PITPNC1: variants seen among roughly 807,000 people sequenced by gnomAD.
PITPNC1 encodes cytoplasmic phosphatidylinositol transfer protein 1.
Under a neutral mutation model 44.7 loss-of-function variants are expected in PITPNC1, and 18 were observed. The observed-to-expected ratio is 0.40, with a 90% CI of 0.28 to 0.60. PITPNC1 has a LOEUF of 0.60. Among genes scored for constraint, PITPNC1 ranks in the 20% least tolerant of loss-of-function variants. The pLI is 0.39. For synonymous variants in PITPNC1, 141 were observed against 149.6 expected (o/e 0.94, Z 0.42); for missense variants, 290 against 418.4 (o/e 0.69, Z 2.68).
At chr17:67,539,040 G>A (rs2040568346) in intron 2 of PITPNC1, among the ~76,000 whole-genome samples, 1 of 150,722 alleles carries the variant, frequency 6.6e-6, no homozygotes, top group Non-Finnish European at 1.5e-5. Flanking sequence ...CAGAAAAGAG[G>A]AAATGAGAAT....
chr17:67,445,746 A>G (rs920413894), intron 1 of PITPNC1, among the ~76,000 whole-genome samples: 4 of 152,062 alleles, frequency 2.6e-5, no homozygotes, highest in African/African-American at 7.2e-5. Flanking sequence ...TAACAGAGCG[A>G]AACTTTGTTA....
At chr17:67,601,031 A>C (rs771063498) in intron 5 of PITPNC1, among the ~76,000 whole-genome samples, 5 of 152,090 alleles carry the variant, frequency 3.3e-5, no homozygotes, top group African/African-American at 7.2e-5. Flanking sequence ...AGTAATTTAC[A>C]TGTGAGTAAA....
At chr17:67,481,121 C>T (rs1201607698) in intron 1 of PITPNC1, among the ~76,000 whole-genome samples, 3 of 152,234 alleles carry the variant, frequency 2.0e-5, no homozygotes, top group African/African-American at 7.2e-5. Context: ...GCAGGAGAAT[C>T]CCTTGAACCC....
chr17:67,433,910 CATAATA>C lies in PITPNC1; in HGVS notation c.48+55725_48+55730del, dbSNP rs368751732. ...TAGCGAGACTCTGTCTCCTCCTCCC[CATAATA>C]ATAATAATAATAATAAAGAGGAATC... On this transcript the variant is annotated intron_variant, in intron 1 of 8. Coordinates refer to ENST00000581322, the MANE Select transcript of PITPNC1 (RefSeq NM_012417.4). 9.4e-3 allele frequency among the ~76,000 whole-genome samples: 1,418 copies of C among 151,176 alleles called. 17 individuals carry two copies. The highest frequency in any genetic ancestry group is 0.027 in the South Asian group (127 of 4,768).
intron 4 of PITPNC1, among the ~76,000 whole-genome samples, chr17:67,558,338 C>T (rs2040865181): frequency 6.6e-6 from 1 of 151,972 alleles, no homozygotes; most frequent in South Asian, 2.1e-4. Context: ...GACAGTTTCA[C>T]AGAGGACAGA....
intron 1 of PITPNC1, among the ~76,000 whole-genome samples, chr17:67,423,279 A>G (rs898225312): frequency 1.3e-5 from 2 of 152,204 alleles, no homozygotes; most frequent in African/African-American, 4.8e-5. Flanking sequence ...ATCACTGGAT[A>G]CAAGTTGAAT....
intron 6 of PITPNC1, among the ~76,000 whole-genome samples, chr17:67,643,771 C>G (rs1174966548): frequency 6.6e-6 from 1 of 152,188 alleles, no homozygotes; most frequent in African/African-American, 2.4e-5. Flanking sequence ...TGGAAAGTGA[C>G]CAGCACAGTC....
Position 67,620,813 on chromosome 17 carries a change from A to T in PITPNC1, c.367-11330A>T, listed in dbSNP as rs1466487419. Among the ~76,000 whole-genome samples, 5 of 152,248 alleles carry T rather than the reference A, an allele frequency of 3.3e-5. No individual in the cohort carries two copies. In the East Asian group the frequency reaches 7.7e-4, roughly 23 times the overall value. On this transcript the variant is annotated intron_variant, in intron 5 of 8. Transcript: ENST00000581322. ...GTGGCAAGTGGAGCGTTTGATGGGG[A>T]TTAAATAAAAGCAGTTTACCTCCCA... is the stretch of plus-strand genomic sequence containing the variant.
chr17:67,623,323 T>TCCCCACCACCTG (rs1598899475), intron 5 of PITPNC1, among the ~76,000 whole-genome samples: 3 of 152,098 alleles, frequency 2.0e-5, no homozygotes, highest in African/African-American at 7.2e-5. Flanking sequence ...GCTTGCACCT[T>TCCCCACCACCTG]CCCCACCACC....
At chr17:67,438,931 C>A (rs137877259) in intron 1 of PITPNC1, among the ~76,000 whole-genome samples, 36 of 152,302 alleles carry the variant, frequency 2.4e-4, no homozygotes, top group African/African-American at 8.4e-4. Flanking sequence ...CTTGGCCTGT[C>A]CTGTAGAAAG....
At chr17:67,546,476 A>G (rs1262113731) in intron 2 of PITPNC1, among the ~76,000 whole-genome samples, 1 of 152,044 alleles carries the variant, frequency 6.6e-6, no homozygotes, top group Non-Finnish European at 1.5e-5. Context: ...TCCTGTAGGA[A>G]CTCATAGAAA....
intron 5 of PITPNC1, among the ~76,000 whole-genome samples, chr17:67,610,845 C>T (rs554396755): frequency 6.7e-6 from 1 of 150,116 alleles, no homozygotes; most frequent in Non-Finnish European, 1.5e-5. Context: ...CGTTTGAACC[C>T]GAGGGGCGGA....
chr17:67,527,803 G>T (rs993389832), intron 1 of PITPNC1, among the ~76,000 whole-genome samples: 3 of 152,126 alleles, frequency 2.0e-5, no homozygotes, highest in African/African-American at 4.8e-5. Flanking sequence ...CCAGGAGTTG[G>T]AGACTAACAT....
At chr17:67,467,368 T>C (rs998260210) in intron 1 of PITPNC1, among the ~76,000 whole-genome samples, 1 of 152,220 alleles carries the variant, frequency 6.6e-6, no homozygotes, top group Admixed American at 6.5e-5. Flanking sequence ...ACTTTTTTTT[T>C]CTGAACTAAA....
At chr17:67,575,164 T>G (rs553733187) in intron 4 of PITPNC1, among the ~76,000 whole-genome samples, 27 of 151,964 alleles carry the variant, frequency 1.8e-4, no homozygotes, top group Admixed American at 7.9e-4. Context: ...CTCATATGAA[T>G]TATGGGATAA....
chr17:67,663,368 G>T (rs2042376094), intron 6 of PITPNC1, among the ~76,000 whole-genome samples: 1 of 152,022 alleles, frequency 6.6e-6, no homozygotes, highest in South Asian at 2.1e-4. Context: ...AGGAGATCGA[G>T]ACCATCCTGG....
intron 1 of PITPNC1, among the ~76,000 whole-genome samples, chr17:67,388,243 T>C (rs1026422770): frequency 1.3e-5 from 2 of 152,176 alleles, no homozygotes; most frequent in Non-Finnish European, 2.9e-5. Context: ...ATCAGTCACA[T>C]ATATTTAGGA....
At position 67,420,784 on chromosome 17, in the gene PITPNC1, G is replaced by A. The variant is rs149179280; in HGVS notation, c.48+42582G>A. ...ATTTCCATTGCATTTCCTGACTTGTGTATATTTTCTCGTTGTAGAAGCACT... is the reference window on the plus strand; with the variant it reads ...ATTTCCATTGCATTTCCTGACTTGTATATATTTTCTCGTTGTAGAAGCACT... On this transcript the variant is annotated intron_variant, in intron 1 of 8. Coordinates refer to ENST00000581322, the MANE Select transcript of PITPNC1 (RefSeq NM_012417.4). 6.5e-3 allele frequency among the ~76,000 whole-genome samples: 995 copies of A among 152,142 alleles called. 11 individuals carry two copies. Among genetic ancestry groups the A allele is most frequent in the Non-Finnish European group, 8.8e-3 (599 of 67,988 alleles).
At chr17:67,458,172 T>A (rs958758355) in intron 1 of PITPNC1, among the ~76,000 whole-genome samples, 22 of 152,216 alleles carry the variant, frequency 1.4e-4, no homozygotes, top group Admixed American at 1.4e-3. Flanking sequence ...CACCATGGTC[T>A]GAAGGCTCTC....
Sources: allele counts gnomAD v4.1 joint callset (sites outside exome capture counted in the v4.1 genomes callset), GRCh38; gene constraint gnomAD v4.1.1; transcripts MANE v1.5; gene names NCBI Gene and HGNC (gene_info 2026-07-23, HGNC 2026-07-21).